Variants in SLC44A5 observed in about 807,000 individuals in gnomAD.
SLC44A5 encodes solute carrier family 44 member 5, also known as choline transporter-like protein 5.
In SLC44A5, 57 loss-of-function variants were observed where a neutral mutation model predicts 101.8. The observed-to-expected ratio is 0.56, with a 90% CI of 0.45 to 0.70. The LOEUF (loss-of-function observed/expected upper bound fraction) is 0.70. Among genes scored for constraint, SLC44A5 ranks in the 30% least tolerant of loss-of-function variants. The pLI, the probability that SLC44A5 is intolerant of heterozygous loss-of-function variation, is 0.00. For synonymous variants in SLC44A5, 281 were observed against 290.9 expected (o/e 0.97, Z 0.35); for missense variants, 737 against 853.1 (o/e 0.86, Z 1.70).
the SLC44A5 span, among the ~76,000 whole-genome samples, chr1:75,676,391 T>C: frequency 1.3e-5 from 2 of 152,178 alleles, no homozygotes; most frequent in Admixed American, 1.3e-4. Flanking sequence ...AACAAGATCA[T>C]GTCCTTTGCA....
chr1:75,710,320 C>T, the SLC44A5 span: 1 of 152,148 alleles, frequency 6.6e-6, no homozygotes, highest in East Asian at 1.9e-4. Context: ...CTTTGGGAGT[C>T]TGAGGCAGGA....
At chr1:75,562,770 T>C (rs1672590857) in intron 1 of SLC44A5, among the ~76,000 whole-genome samples, 1 of 152,192 alleles carries the variant, frequency 6.6e-6, no homozygotes, top group Non-Finnish European at 1.5e-5. Flanking sequence ...TCAGGATCTG[T>C]ATCCTCTCAC....
intron 6 of SLC44A5, among the ~76,000 whole-genome samples, chr1:75,259,380 C>A (rs1650293258): frequency 6.6e-6 from 1 of 152,000 alleles, no homozygotes; most frequent in Non-Finnish European, 1.5e-5. Context: ...TTTCGCAAAG[C>A]ATACACAAGT....
At chr1:75,599,312 T>G (rs1157375969) in intron 1 of SLC44A5, among the ~76,000 whole-genome samples, 1 of 152,188 alleles carries the variant, frequency 6.6e-6, no homozygotes, top group East Asian at 1.9e-4. Context: ...AGCACTGTTT[T>G]TTCAAGCATC....
chr1:75,591,635 C>G (rs1270360465), intron 1 of SLC44A5, among the ~76,000 whole-genome samples: 1 of 152,102 alleles, frequency 6.6e-6, no homozygotes, highest in East Asian at 1.9e-4. Flanking sequence ...CAGCAAAATA[C>G]TAGCAAACCA....
chr1:75,675,830 T>C, the SLC44A5 span, among the ~76,000 whole-genome samples: 1 of 152,114 alleles, frequency 6.6e-6, no homozygotes, highest in Non-Finnish European at 1.5e-5. Context: ...ATATCCAGAA[T>C]CTACAAGGAA....
At chr1:75,722,553 G>A in the SLC44A5 span, among the ~76,000 whole-genome samples, 1 of 152,138 alleles carries the variant, frequency 6.6e-6, no homozygotes, top group Admixed American at 6.6e-5. Context: ...CATAATTGAA[G>A]CCTGTCAGTA....
intron 3 of SLC44A5, among the ~76,000 whole-genome samples, chr1:75,383,528 C>A (rs1048026199): frequency 3.3e-5 from 5 of 152,066 alleles, no homozygotes; most frequent in Admixed American, 6.6e-5. Context: ...AAGAAATGAG[C>A]AAAGCCTCCA....
chr1:75,403,641 G>T (rs930700117), intron 2 of SLC44A5, among the ~76,000 whole-genome samples: 1 of 152,186 alleles, frequency 6.6e-6, no homozygotes, highest in East Asian at 1.9e-4. Flanking sequence ...AAACAGAAAA[G>T]AATAGCATTA....
intron 4 of SLC44A5, among the ~76,000 whole-genome samples, chr1:75,310,544 G>T (rs539881615): frequency 6.6e-6 from 1 of 152,026 alleles, no homozygotes; most frequent in East Asian, 1.9e-4. Context: ...CTCTACTAGC[G>T]GACACAAGAG....
rs190536433 is a variant in SLC44A5, at chr1:75,457,715, G to A, written c.14-61094C>T. 6.3e-3 allele frequency among the ~76,000 whole-genome samples: 963 copies of A among 152,192 alleles called. 6 individuals are homozygous for A. The highest frequency in any genetic ancestry group is 0.011 in the Non-Finnish European group (732 of 68,002). ...TCTACTCAAAATACAAAAACTAGCC[G>A]GGCATGGAGGCGCATGCCTGTAATC... On this transcript the variant is annotated intron_variant, in intron 2 of 23. Transcript: ENST00000370859.
At chr1:75,423,065 C>G (rs1370732092) in intron 2 of SLC44A5, among the ~76,000 whole-genome samples, 1 of 152,200 alleles carries the variant, frequency 6.6e-6, no homozygotes, top group Admixed American at 6.5e-5. Flanking sequence ...AATCCTGATT[C>G]ATCTCTCAAA....
intron 2 of SLC44A5, among the ~76,000 whole-genome samples, 168 bp from the exon 3 acceptor site, chr1:75,396,789 A>G (rs1289667102): frequency 1.3e-5 from 2 of 152,188 alleles, no homozygotes; most frequent in Admixed American, 6.5e-5. Flanking sequence ...AAAGCTGCCA[A>G]TAATGAGCAT....
chr1:75,554,361 A>C (rs953027301), intron 1 of SLC44A5, among the ~76,000 whole-genome samples: 1 of 151,418 alleles, frequency 6.6e-6, no homozygotes, highest in African/African-American at 2.4e-5. Flanking sequence ...CCAGCTACTC[A>C]GGAGTCTGAA....
chr1:75,592,010 G>T (rs1439745185), intron 1 of SLC44A5, among the ~76,000 whole-genome samples: 2 of 152,090 alleles, frequency 1.3e-5, no homozygotes. Context: ...ATTCAACATA[G>T]TACTGGAAGT....
intron 4 of SLC44A5, among the ~76,000 whole-genome samples, chr1:75,335,362 G>A (rs1167662766): frequency 6.6e-6 from 1 of 152,162 alleles, no homozygotes; most frequent in Non-Finnish European, 1.5e-5. Context: ...AAATTTAACT[G>A]CTGAGCCGAA....
At chr1:75,593,635 C>T (rs1674476963) in intron 1 of SLC44A5, among the ~76,000 whole-genome samples, 1 of 152,054 alleles carries the variant, frequency 6.6e-6, no homozygotes, top group African/African-American at 2.4e-5. Context: ...GACATATACA[C>T]AATGGAGTAC....
At chr1:75,604,749 A>G (rs1390876844) in intron 1 of SLC44A5, among the ~76,000 whole-genome samples, 2 of 84,618 alleles carry the variant, frequency 2.4e-5, no homozygotes, top group Non-Finnish European at 5.4e-5. Flanking sequence ...TAGAGGTGAA[A>G]CCAAGGGGTG....
chr1:75,583,579 T>A (rs936477980), intron 1 of SLC44A5, among the ~76,000 whole-genome samples: 14 of 152,176 alleles, frequency 9.2e-5, no homozygotes, highest in Non-Finnish European at 1.6e-4. Flanking sequence ...TTGTTTTCTA[T>A]CCTTTGTCTT....
Sources: allele counts gnomAD v4.1 joint callset (sites outside exome capture counted in the v4.1 genomes callset), GRCh38; gene constraint gnomAD v4.1.1; transcripts MANE v1.5; gene names NCBI Gene and HGNC (gene_info 2026-07-23, HGNC 2026-07-21).